The following PTK2 variants were observed in gnomAD, a reference collection of about 807,000 sequenced individuals.
The protein encoded by PTK2 is focal adhesion kinase 1.
PTK2 carries 45 observed loss-of-function variants against 150.1 expected under a neutral mutation model. That is an observed-to-expected ratio of 0.30 (90% CI 0.24 to 0.38). The LOEUF (loss-of-function observed/expected upper bound fraction) is 0.38. PTK2 is among the 10% of genes least tolerant of loss of function. The probability of loss-of-function intolerance (pLI) is 1.00; values close to 1 mark genes in which losing one functional copy is unlikely to be tolerated. For missense variants in PTK2, 919 were observed against 1,307.3 expected, an observed-to-expected ratio of 0.70 and a Z score of 4.58; for synonymous variants, 432 against 449.2, an observed-to-expected ratio of 0.96 and a Z score of 0.48.
chr8:140,867,566 CA>C (rs1311727492), intron 4 of PTK2, among the ~76,000 whole-genome samples: 1 of 152,126 alleles, frequency 6.6e-6, no homozygotes, highest in African/African-American at 2.4e-5. Flanking sequence ...GGGAGCTAAA[CA>C]ATGAGAACAC....
intron 8 of PTK2, among the ~76,000 whole-genome samples, chr8:140,820,080 T>TG (rs1377652792): frequency 8.3e-5 from 3 of 35,960 alleles, no homozygotes; most frequent in Non-Finnish European, 1.1e-4. Context: ...ACTTTGGTTT[T>TG]TTTTTTTTTT....
chr8:140,993,623 C>T (rs1476960701), intron 1 of PTK2, among the ~76,000 whole-genome samples: 1 of 152,166 alleles, frequency 6.6e-6, no homozygotes, highest in Non-Finnish European at 1.5e-5. Context: ...GACACAGACA[C>T]AACAAGCACC....
intron 1 of PTK2, among the ~76,000 whole-genome samples, chr8:140,939,435 G>A (rs929225105): frequency 1.3e-5 from 2 of 152,132 alleles, no homozygotes; most frequent in Non-Finnish European, 2.9e-5. Context: ...AGTCTCATCT[G>A]CCCCTAGTCC....
At chr8:140,785,894 C>T (rs2100084678) in intron 14 of PTK2, among the ~76,000 whole-genome samples, 1 of 152,180 alleles carries the variant, frequency 6.6e-6, no homozygotes, top group Non-Finnish European at 1.5e-5. Context: ...TTTACAATCC[C>T]ACACGAGTTA....
intron 1 of PTK2, among the ~76,000 whole-genome samples, chr8:140,971,023 T>C (rs2100187075): frequency 1.3e-5 from 2 of 152,216 alleles, no homozygotes; most frequent in South Asian, 4.1e-4. Context: ...TTTGAATGAT[T>C]TTCCTTGGTT....
rs149073150 is a variant in PTK2 at position 140,809,407 on chromosome 8, A to C, written c.868-5757T>G. ...AGACAAAGTTACTGGAAAGATTTTAACAGATCTATGAGAGGCAACTCTATG... is the reference window on the plus strand; with the variant it reads ...AGACAAAGTTACTGGAAAGATTTTACCAGATCTATGAGAGGCAACTCTATG... On this transcript the variant is annotated intron_variant, in intron 10 of 31. Coordinates refer to ENST00000522684, the Ensembl canonical transcript of PTK2. 6.4e-3 allele frequency among the ~76,000 whole-genome samples: 974 copies of C among 152,350 alleles called. 15 individuals carry two copies. Among genetic ancestry groups the C allele is most frequent in the African/African-American group, 0.022 (898 of 41,564 alleles).
chr8:140,869,982 C>G (rs1038399849), intron 4 of PTK2, among the ~76,000 whole-genome samples: 5 of 151,934 alleles, frequency 3.3e-5, no homozygotes, highest in African/African-American at 4.8e-5. Context: ...TTAAATGTCA[C>G]TTTTCAAGCA....
intron 1 of PTK2, among the ~76,000 whole-genome samples, chr8:140,960,995 A>G (rs1288968888): frequency 1.3e-5 from 2 of 152,328 alleles, no homozygotes; most frequent in East Asian, 1.9e-4. Context: ...ATAAAAAAGT[A>G]CTTTATAGAT....
At chr8:140,840,268 C>T (rs76641682) in intron 7 of PTK2, among the ~76,000 whole-genome samples, 2,421 of 152,228 alleles carry the variant, frequency 0.016, 65 homozygotes, top group African/African-American at 0.054. Flanking sequence ...CTATGCTATC[C>T]GTGCTGGTCA....
Position 140,764,601 on chromosome 8 carries a change from C to T in PTK2, c.1178-311G>A, listed in dbSNP as rs139426239. The T allele has an allele frequency of 3.3e-3, 1,400 of 418,580 alleles. 25 individuals carry two copies. In the East Asian group the frequency reaches 0.039, roughly 12 times the overall value. 25.9% of individuals were successfully genotyped at this position (418,580 alleles called of 1,614,324 possible). A position where few individuals can be genotyped will look rare whatever the true frequency, so the allele number is the denominator to read the frequency against. ...GCTTCAAATTAACCAATCTACCAAC[C>T]GCAAAGCTCTTCCTCAACTACACCA... On this transcript the variant is annotated intron_variant, in intron 14 of 31. Coordinates refer to ENST00000522684, the Ensembl canonical transcript of PTK2.
chr8:140,992,340 T>C (rs1465860181), intron 1 of PTK2, among the ~76,000 whole-genome samples: 2 of 149,592 alleles, frequency 1.3e-5, no homozygotes, highest in Non-Finnish European at 1.5e-5. Flanking sequence ...CGTGGTGGCA[T>C]ACCCCTGTAG....
chr8:140,981,846 C>T (rs1313998906), intron 1 of PTK2, among the ~76,000 whole-genome samples: 1 of 152,108 alleles, frequency 6.6e-6, no homozygotes, highest in African/African-American at 2.4e-5. Context: ...TAGCCCCTGA[C>T]CTAGGGCATA....
chr8:140,803,916 T>G (rs1178699240), intron 10 of PTK2, among the ~76,000 whole-genome samples: 4 of 152,150 alleles, frequency 2.6e-5, no homozygotes, highest in Non-Finnish European at 5.9e-5. Flanking sequence ...CAGTTACCAC[T>G]GAGAGAGAAC....
chr8:140,995,381 C>CA (rs34527935), intron 1 of PTK2, among the ~76,000 whole-genome samples: 6,800 of 92,188 alleles, frequency 0.074, 572 homozygotes, highest in African/African-American at 0.23. Flanking sequence ...GACTCCGTCT[C>CA]AAAAAAAAAA....
intron 2 of PTK2, among the ~76,000 whole-genome samples, chr8:140,920,335 T>C (rs1001146826): frequency 4.6e-5 from 7 of 152,126 alleles, no homozygotes; most frequent in Admixed American, 1.3e-4. Context: ...AAGAAGAAAA[T>C]TGTTTATGTA....
chr8:140,754,839 C>A (rs553397470), intron 16 of PTK2, among the ~76,000 whole-genome samples: 1 of 152,272 alleles, frequency 6.6e-6, no homozygotes, highest in East Asian at 1.9e-4. Context: ...TTACAGAGAT[C>A]GGACTGCTGG....
chr8:140,701,798 T>C (rs1193721532), intron 25 of PTK2, among the ~76,000 whole-genome samples: 1 of 152,014 alleles, frequency 6.6e-6, no homozygotes, highest in Non-Finnish European at 1.5e-5. Context: ...CTGAAAGCAT[T>C]TGAGTAGATG....
chr8:140,866,682 T>G (rs1279426797), intron 4 of PTK2, among the ~76,000 whole-genome samples: 2 of 152,212 alleles, frequency 1.3e-5, no homozygotes, highest in Non-Finnish European at 2.9e-5. Flanking sequence ...CGATAACTGT[T>G]TATTCCAGCA....
chr8:140,905,004 T>C (rs2100160281), intron 2 of PTK2, among the ~76,000 whole-genome samples: 1 of 152,204 alleles, frequency 6.6e-6, no homozygotes, highest in Non-Finnish European at 1.5e-5. Context: ...TCAGTTCTGC[T>C]CTAATCTTAG....
Sources: allele counts gnomAD v4.1 joint callset (sites outside exome capture counted in the v4.1 genomes callset), GRCh38; gene constraint gnomAD v4.1.1; transcripts MANE v1.5; gene names NCBI Gene and HGNC (gene_info 2026-07-23, HGNC 2026-07-21).